PTPRO: variants seen among roughly 807,000 people sequenced by gnomAD.
PTPRO encodes protein tyrosine phosphatase receptor type O, also known as receptor-type tyrosine-protein phosphatase O.
PTPRO carries 62 observed loss-of-function variants against 145.2 expected under a neutral mutation model. The ratio of observed to expected loss-of-function variants is 0.43; its 90% CI spans 0.35 to 0.53. The LOEUF (loss-of-function observed/expected upper bound fraction) is 0.53, where lower values mean the gene tolerates loss of function less well. Among genes scored for constraint, PTPRO ranks in the 20% least tolerant of loss-of-function variants. PTPRO has a pLI of 0.01. For synonymous variants in PTPRO, 565 were observed against 514.7 expected (o/e 1.10, Z -1.32); for missense variants, 1,345 against 1,482.7 (o/e 0.91, Z 1.53).
chr12:15,327,015 C>T (rs1177811185), intron 1 of PTPRO, among the ~76,000 whole-genome samples: 3 of 152,104 alleles, frequency 2.0e-5, no homozygotes, highest in African/African-American at 7.2e-5. Context: ...GGTTAATAAA[C>T]AGATTTAAAT....
intron 1 of PTPRO, among the ~76,000 whole-genome samples, chr12:15,468,204 A>G (rs1393607602): frequency 1.3e-5 from 2 of 152,060 alleles, no homozygotes; most frequent in African/African-American, 4.8e-5. Context: ...GTTACCAAGT[A>G]TTTTTCCAAT....
At chr12:15,572,649 T>G (rs565687344) in intron 19 of PTPRO, among the ~76,000 whole-genome samples, 13 of 152,354 alleles carry the variant, frequency 8.5e-5, no homozygotes, top group Admixed American at 7.2e-4. Flanking sequence ...TTTCTCATTT[T>G]TTTACATTGG....
At chr12:15,347,735 C>T (rs1867275416) in intron 1 of PTPRO, among the ~76,000 whole-genome samples, 1 of 152,176 alleles carries the variant, frequency 6.6e-6, no homozygotes, top group African/African-American at 2.4e-5. Context: ...GTAGCCTTTA[C>T]TAATGTTGAT....
At chr12:15,468,504 T>C (rs905384134) in intron 1 of PTPRO, among the ~76,000 whole-genome samples, 3 of 152,166 alleles carry the variant, frequency 2.0e-5, no homozygotes, top group African/African-American at 7.2e-5. Flanking sequence ...CTGTTCTTTC[T>C]CTCCAACTAA....
intron 1 of PTPRO, among the ~76,000 whole-genome samples, chr12:15,357,952 CA>C (rs1403479998): frequency 1.3e-5 from 2 of 151,330 alleles, no homozygotes; most frequent in Non-Finnish European, 2.9e-5. Flanking sequence ...TTTATTGCGT[CA>C]CTATTCACAA....
At chr12:15,429,138 G>A (rs541562537) in intron 1 of PTPRO, among the ~76,000 whole-genome samples, 36 of 152,238 alleles carry the variant, frequency 2.4e-4, no homozygotes, top group African/African-American at 6.3e-4. Context: ...AGTGTTTGTA[G>A]AATCTCTTGA....
In PTPRO at chr12:15,501,656, T is replaced by C. The variant is rs1208405965; in HGVS notation, c.698T>C (p.Val233Ala). The C allele has an allele frequency of 6.2e-7, 1 of 1,614,010 alleles. No homozygotes were observed. Among genetic ancestry groups the C allele is most frequent in the African/African-American group, 1.3e-5 (1 of 75,040 alleles). ...YPPQNISVRI[V>A]NLNKNNWEEQ... ...CCTCAAAATATTTCCGTTCGTATCG[T>C]AAACTTGAACAAAAACAACTGGGAA... Residue 233 changes from valine to alanine, a missense_variant, in exon 5 of 27, where the codon GTA (valine) becomes GCA (alanine). This residue lies in a region of PTPRO where 1,130 missense variants were observed against 1,214.7 expected (regional missense o/e 0.93). Transcript: ENST00000281171.
intron 1 of PTPRO, chr12:15,439,876 C>T (rs778442375): frequency 2.5e-5 from 16 of 643,414 alleles, no homozygotes; most frequent in Non-Finnish European, 3.4e-5. Flanking sequence ...AGACCCACGT[C>T]GGCCAGCACA....
intron 1 of PTPRO, among the ~76,000 whole-genome samples, chr12:15,372,184 T>C (rs907175672): frequency 6.6e-6 from 1 of 152,220 alleles, no homozygotes; most frequent in Non-Finnish European, 1.5e-5. Flanking sequence ...AGTGATTGTA[T>C]ATACCCCTAA....
At chr12:15,505,883 T>C (rs1189854208) in intron 6 of PTPRO, among the ~76,000 whole-genome samples, 1 of 152,240 alleles carries the variant, frequency 6.6e-6, no homozygotes, top group Non-Finnish European at 1.5e-5. Context: ...TAGCTTTGAA[T>C]GCCTTCCCAG....
Position 15,597,514 on chromosome 12 carries a change from T to C in PTPRO, c.*1441T>C, listed in dbSNP as rs2041037162. ...CTGATCATCTTCATGAAGCCACAGATATAAGATCAGCTTAATATTTTATCA... is the reference window on the plus strand; with the variant it reads ...CTGATCATCTTCATGAAGCCACAGACATAAGATCAGCTTAATATTTTATCA... On this transcript the variant is annotated 3_prime_UTR_variant, in exon 27 of 27. Coordinates refer to ENST00000281171, the MANE Select transcript of PTPRO (RefSeq NM_030667.3). The C allele has an allele frequency of 6.6e-6, 1 of 152,270 alleles. No individual in the cohort carries two copies. Among genetic ancestry groups the C allele is most frequent in the African/African-American group, 2.4e-5 (1 of 41,464 alleles). The allele number at this position is 152,270 out of a possible 1,614,324, so 9.4% of individuals were successfully genotyped here.
At chr12:15,522,856 T>C (rs1460671014) in intron 10 of PTPRO, among the ~76,000 whole-genome samples, 4 of 152,196 alleles carry the variant, frequency 2.6e-5, no homozygotes, top group Admixed American at 6.5e-5. Context: ...AGGAAAGATA[T>C]ATACTTCTGG....
At chr12:15,572,682 G>A (rs1212246782) in intron 19 of PTPRO, among the ~76,000 whole-genome samples, 2 of 152,084 alleles carry the variant, frequency 1.3e-5, no homozygotes, top group Non-Finnish European at 2.9e-5. Flanking sequence ...AGTTTGTACA[G>A]AAGTTGTGTA....
intron 12 of PTPRO, chr12:15,546,259 C>A: frequency 3.0e-6 from 3 of 984,324 alleles, no homozygotes; most frequent in Non-Finnish European, 3.8e-6. Context: ...ATTATCAGGG[C>A]AATGCTAACT....
chr12:15,406,150 G>T (rs992594162), intron 1 of PTPRO, among the ~76,000 whole-genome samples: 1 of 152,160 alleles, frequency 6.6e-6, no homozygotes, highest in African/African-American at 2.4e-5. Flanking sequence ...GTCCATTGTT[G>T]TATTCTTATA....
chr12:15,524,716 T>C, intron 10 of PTPRO, 98 bp from the exon 11 acceptor site: 1 of 1,321,424 alleles, frequency 7.6e-7, no homozygotes, highest in South Asian at 1.2e-5. Flanking sequence ...TGAATTCTAA[T>C]TCGCTAAGTT....
At chr12:15,424,961 G>A (rs1029759306) in intron 1 of PTPRO, among the ~76,000 whole-genome samples, 3 of 152,114 alleles carry the variant, frequency 2.0e-5, no homozygotes, top group Non-Finnish European at 4.4e-5. Context: ...TCTTCTTAAA[G>A]CTGCAGTTAT....
At chr12:15,433,454 A>G (rs886894697) in intron 1 of PTPRO, among the ~76,000 whole-genome samples, 1 of 152,196 alleles carries the variant, frequency 6.6e-6, no homozygotes, top group Non-Finnish European at 1.5e-5. Context: ...AAGTGCTGGG[A>G]TTACAGGCGA....
chr12:15,506,761 C>T (rs1341784304), intron 6 of PTPRO, among the ~76,000 whole-genome samples: 1 of 152,112 alleles, frequency 6.6e-6, no homozygotes, highest in Non-Finnish European at 1.5e-5. Flanking sequence ...TGAGTGGGGA[C>T]ACAGAGCCAA....
Sources: allele counts gnomAD v4.1 joint callset (sites outside exome capture counted in the v4.1 genomes callset), GRCh38; gene constraint gnomAD v4.1.1; regional missense constraint gnomAD v4.1.1; transcripts MANE v1.5; gene names NCBI Gene and HGNC (gene_info 2026-07-23, HGNC 2026-07-21).